Variants in AP2B1 observed in about 807,000 individuals in gnomAD.
The protein encoded by AP2B1 is adaptor related protein complex 2 subunit beta 1.
In AP2B1, 23 loss-of-function variants were observed where a neutral mutation model predicts 102.0. That is an observed-to-expected ratio of 0.23 (90% CI 0.16 to 0.32). The LOEUF is 0.32. Ranked by LOEUF, AP2B1 falls within the 10% of genes least tolerant of loss-of-function variation. The probability of loss-of-function intolerance (pLI) is 1.00; values close to 1 mark genes in which losing one functional copy is unlikely to be tolerated. For missense variants in AP2B1, 541 were observed against 1,157.4 expected, an observed-to-expected ratio of 0.47 and a Z score of 7.73; for synonymous variants, 381 against 421.2, an observed-to-expected ratio of 0.90 and a Z score of 1.17.
At chr17:35,698,731 G>A (rs1386300706) in intron 18 of AP2B1, among the ~76,000 whole-genome samples, 2 of 152,172 alleles carry the variant, frequency 1.3e-5, no homozygotes, top group Non-Finnish European at 2.9e-5. Context: ...TGGCTTTACA[G>A]GGGCAGGGTG....
intron 12 of AP2B1, among the ~76,000 whole-genome samples, chr17:35,642,952 A>G (rs1452012021): frequency 6.6e-6 from 1 of 151,962 alleles, no homozygotes; most frequent in Non-Finnish European, 1.5e-5. Flanking sequence ...TGAGCATTCT[A>G]ATTTCCTGGA....
At chr17:35,712,745 G>A (rs1162563640) in intron 20 of AP2B1, among the ~76,000 whole-genome samples, 4 of 152,238 alleles carry the variant, frequency 2.6e-5, no homozygotes, top group African/African-American at 9.6e-5. Context: ...CACGTTAGCA[G>A]ACTAAAAGTT....
At chr17:35,680,868 T>C (rs1260455389) in intron 17 of AP2B1, among the ~76,000 whole-genome samples, 1 of 152,068 alleles carries the variant, frequency 6.6e-6, no homozygotes, top group Non-Finnish European at 1.5e-5. Context: ...ATTTTTGTTG[T>C]ATTTTTAGTA....
intron 3 of AP2B1, among the ~76,000 whole-genome samples, chr17:35,602,714 A>G (rs1436206919): frequency 6.6e-6 from 1 of 152,120 alleles, no homozygotes; most frequent in African/African-American, 2.4e-5. Flanking sequence ...CTCAGTTCAC[A>G]CTCGCCACAT....
chr17:35,649,456 T>TA (rs1008767841), intron 12 of AP2B1, among the ~76,000 whole-genome samples: 4 of 152,048 alleles, frequency 2.6e-5, no homozygotes, highest in African/African-American at 9.7e-5. Flanking sequence ...TTGTAGTAGA[T>TA]ACGGGGTTTC....
At chr17:35,655,316 G>A (rs898515112) in intron 13 of AP2B1, among the ~76,000 whole-genome samples, 1 of 152,106 alleles carries the variant, frequency 6.6e-6, no homozygotes, top group Non-Finnish European at 1.5e-5. Flanking sequence ...ACCCTAGAAG[G>A]TTCCTCGTGT....
chr17:35,633,976 G>A (rs772888986), intron 9 of AP2B1, among the ~76,000 whole-genome samples: 5 of 152,004 alleles, frequency 3.3e-5, no homozygotes, highest in South Asian at 4.1e-4. Context: ...GTGAAACCCC[G>A]TCTCTACTAA....
At chr17:35,593,421 C>T (rs767745729) in intron 1 of AP2B1, among the ~76,000 whole-genome samples, 13 of 142,454 alleles carry the variant, frequency 9.1e-5, no homozygotes, top group Non-Finnish European at 2.0e-4. Context: ...CCTATACGCA[C>T]CTACTAAATA....
chr17:35,717,829 C>CA (rs2085223673), intron 21 of AP2B1, among the ~76,000 whole-genome samples: 1 of 152,106 alleles, frequency 6.6e-6, no homozygotes, highest in Non-Finnish European at 1.5e-5. Context: ...AAAGGTGAGG[C>CA]AAAATGGAAC....
chr17:35,601,746 G>A (rs542093574), intron 3 of AP2B1, among the ~76,000 whole-genome samples: 1 of 151,718 alleles, frequency 6.6e-6, no homozygotes, highest in Non-Finnish European at 1.5e-5. Flanking sequence ...GAAAACATCA[G>A]TACAAACGAA....
At chr17:35,647,248 A>T (rs2074959589) in intron 12 of AP2B1, among the ~76,000 whole-genome samples, 1 of 152,160 alleles carries the variant, frequency 6.6e-6, no homozygotes, top group African/African-American at 2.4e-5. Context: ...TATTTTGAGA[A>T]ACTTGTATTC....
intron 16 of AP2B1, 118 bp from the exon 17 acceptor site, chr17:35,674,058 T>C: frequency 9.9e-7 from 1 of 1,008,848 alleles, no homozygotes; most frequent in East Asian, 2.5e-5. Context: ...TATAATTGCC[T>C]AAGGAAGTGA....
At chr17:35,718,320 G>GTGTA (rs2085243475) in intron 21 of AP2B1, among the ~76,000 whole-genome samples, 1 of 89,626 alleles carries the variant, frequency 1.1e-5, no homozygotes, top group Non-Finnish European at 2.5e-5. Flanking sequence ...AGCTGTGTGT[G>GTGTA]TGTGTGTGTG....
At chr17:35,699,555 T>C (rs945336782) in intron 18 of AP2B1, among the ~76,000 whole-genome samples, 4 of 152,220 alleles carry the variant, frequency 2.6e-5, no homozygotes, top group Admixed American at 6.5e-5. Flanking sequence ...GTTTGAATCC[T>C]AGCCTTGGAA....
chr17:35,688,752 C>G (rs1188270501), intron 18 of AP2B1, among the ~76,000 whole-genome samples: 2 of 152,114 alleles, frequency 1.3e-5, no homozygotes, highest in African/African-American at 4.8e-5. Flanking sequence ...TCACTTAAGG[C>G]CAGGAGTCCA....
At chr17:35,681,894 A>C (rs1365587452) in intron 17 of AP2B1, among the ~76,000 whole-genome samples, 1 of 152,194 alleles carries the variant, frequency 6.6e-6, no homozygotes, top group Admixed American at 6.5e-5. Context: ...AATGGAAAAC[A>C]GAAAATTATG....
chr17:35,709,117 G>T (rs1598343352), intron 18 of AP2B1, 107 bp from the exon 19 acceptor site: 1 of 935,026 alleles, frequency 1.1e-6, no homozygotes. Flanking sequence ...TGCACTGAGA[G>T]AAAGAGGAAG....
intron 14 of AP2B1, 32 bp from the exon 15 acceptor site, chr17:35,670,823 CCT>C: frequency 6.2e-7 from 1 of 1,609,408 alleles, no homozygotes; most frequent in Non-Finnish European, 8.5e-7. Flanking sequence ...ATGAACTCTA[CCT>C]CTCTCTCCTC....
chr17:35,647,440 CA>C (rs1403495480), intron 12 of AP2B1, among the ~76,000 whole-genome samples: 1 of 151,932 alleles, frequency 6.6e-6, no homozygotes, highest in Non-Finnish European at 1.5e-5. Flanking sequence ...ATATAATTAT[CA>C]CTGTTTCTTT....
Sources: allele counts gnomAD v4.1 joint callset (sites outside exome capture counted in the v4.1 genomes callset), GRCh38; gene constraint gnomAD v4.1.1; transcripts MANE v1.5; gene names NCBI Gene and HGNC (gene_info 2026-07-23, HGNC 2026-07-21).